The following SPEG variants were observed in gnomAD, a reference collection of about 807,000 sequenced individuals.
SPEG encodes the protein striated muscle enriched protein kinase.
In SPEG, 114 loss-of-function variants were observed where a neutral mutation model predicts 300.4. The ratio of observed to expected loss-of-function variants is 0.38; its 90% CI spans 0.33 to 0.44. SPEG has a LOEUF of 0.44. Among genes scored for constraint, SPEG ranks in the 20% least tolerant of loss-of-function variants. The probability of loss-of-function intolerance (pLI) is 1.00; values close to 1 mark genes in which losing one functional copy is unlikely to be tolerated. For synonymous variants in SPEG, 1,964 were observed against 2,018.9 expected (o/e 0.97, Z 0.73); for missense variants, 4,201 against 4,586.2 (o/e 0.92, Z 2.43).
At position 219,444,099 on chromosome 2, in the gene SPEG, C is replaced by G. The variant is rs369624055; in HGVS notation, c.389-554C>G. On this transcript the variant is annotated intron_variant, in intron 1 of 40. Coordinates refer to ENST00000312358, the MANE Select transcript of SPEG (RefSeq NM_005876.5). This position sits in a 1 kb window ranked among gnomAD's most constrained non-coding sequence, Gnocchi z 7.8. ...CCTGCTCTAGCCCCCCGCATCCCCC[C>G]CTTTCCCACCCGGCCCCGGCCTCTC... 6.5e-4 allele frequency: 860 copies of G among 1,332,622 alleles called. 5 individuals carry two copies. In the South Asian group the frequency reaches 8.7e-3, roughly 13 times the overall value. The allele number at this position is 1,332,622 out of a possible 1,614,324, so 82.5% of individuals were successfully genotyped here.
chr2:219,467,483 A>C, intron 10 of SPEG, 49 bp downstream of exon 10: 4 of 1,563,100 alleles, frequency 2.6e-6, no homozygotes, highest in Non-Finnish European at 3.5e-6. Flanking sequence ...CAAGAGCTGG[A>C]GGGAGGGGAC....
Position 219,476,937 on chromosome 2 carries a change from G to A in SPEG, c.4515G>A (p.Ala1505=), listed in dbSNP as rs946526096. 4.3e-6 allele frequency: 7 copies of A among 1,612,994 alleles called. No homozygotes were observed. Among genetic ancestry groups the A allele is most frequent in the Admixed American group, 3.3e-5 (2 of 59,878 alleles). The change falls in exon 19 of 41, where the codon GCG becomes GCA. Residue 1505 remains alanine, a synonymous_variant. Transcript: ENST00000312358. ...EVGAGETARF[A]VVVEGKPLPD... is the part of the protein sequence containing the mutation. ...GGGCTGGGGAAACTGCTCGCTTTGCGGTGGTGGTCGAGGGAAAACCACTGC... is the reference window on the plus strand; with the variant it reads ...GGGCTGGGGAAACTGCTCGCTTTGCAGTGGTGGTCGAGGGAAAACCACTGC...
At position 219,439,086 on chromosome 2, in the gene SPEG, C is replaced by T. The variant is rs1378382224; in HGVS notation, c.388+3721C>T. On this transcript the variant is annotated intron_variant, in intron 1 of 40. Transcript: ENST00000312358. This position sits in a 1 kb window ranked among gnomAD's most constrained non-coding sequence, Gnocchi z 4.5. Reference sequence around the variant, plus strand: ...TGGGAGCAGAGAGGAGCTCTGGGACCCTCTCCAGGGGAATCCTGAGTGGAA... The same window carrying T: ...TGGGAGCAGAGAGGAGCTCTGGGACTCTCTCCAGGGGAATCCTGAGTGGAA... 6.6e-6 allele frequency among the ~76,000 whole-genome samples: 1 copy of T among 152,042 alleles called. No individual in the cohort carries two copies. Among genetic ancestry groups the T allele is most frequent in the African/African-American group, 2.4e-5 (1 of 41,386 alleles).
At chr2:219,476,615 T>C (rs1281868198) in intron 18 of SPEG, among the ~76,000 whole-genome samples, 1 of 151,980 alleles carries the variant, frequency 6.6e-6, no homozygotes, top group Non-Finnish European at 1.5e-5. Context: ...AAAGCAAGCC[T>C]GCACCTTGTG....
rs759875018 is a variant in SPEG at position 219,448,053 on chromosome 2, G to A, written c.895G>A (p.Ala299Thr). ...GGCCAGCGAAGCCCCACGCCGCCCT[G>A]CCCAGCCGCCTCCTTCCAAATCCGC... The part of the protein sequence containing the change: ...QLASEAPRRP[A>T]QPPPSKSALL... Residue 299 changes from alanine to threonine, a missense_variant, in exon 4 of 41, where the codon GCC (alanine) becomes ACC (threonine). By Grantham distance (58) the Ala-to-Thr change is moderately conservative (BLOSUM62 0). This residue lies in a region of SPEG where 1,258 missense variants were observed against 1,293.9 expected (regional missense o/e 0.97). Transcript: ENST00000312358. 2 of 1,611,140 alleles carry A rather than the reference G, an allele frequency of 1.2e-6. No homozygotes were observed. Among genetic ancestry groups the A allele is most frequent in the Admixed American group, 1.7e-5 (1 of 59,922 alleles).
chr2:219,482,814 G>A lies in SPEG; in HGVS notation c.5596G>A (p.Asp1866Asn). ...GGCAAAGGGCGCAGAGGTGAGCACG[G>A]ATCACCTGAAGCTATTCCTCTCCCG... ...TQAKGAEVST[D>N]HLKLFLSRRR... The change falls in exon 29 of 41, where the codon GAT (aspartate) becomes AAT (asparagine). Residue 1866 changes from aspartate (D) to asparagine (N), a missense_variant. This residue lies in a region of SPEG where 1,578 missense variants were observed against 1,506.0 expected (regional missense o/e 1.05). Coordinates refer to ENST00000312358, the MANE Select transcript of SPEG (RefSeq NM_005876.5). 1 of 1,613,912 alleles carries A rather than the reference G, an allele frequency of 6.2e-7. No individual in the cohort carries two copies. The highest frequency in any genetic ancestry group is 8.5e-7 in the Non-Finnish European group (1 of 1,179,972).
rs759451461 is a variant in SPEG at position 219,483,155 on chromosome 2, C to T, written c.5692C>T (p.Arg1898Trp). Residue 1898 changes from arginine to tryptophan, a missense_variant, in exon 30 of 41, where the codon CGG (arginine) becomes TGG (tryptophan). By Grantham distance (101) the Arg-to-Trp change is moderately radical. Around this residue, in one of 4 missense-constraint regions of SPEG, gnomAD observed 1,578 missense variants for 1,506.0 expected, o/e 1.05. Transcript: ENST00000312358. The stretch of plus-strand genomic sequence containing the variant: ...GCTGCGCCCCATCCCCGAGCTGCTG[C>T]GGGCCCCCCCAGAGCGGGTGTGGGT... Reference protein sequence around the residue: ...LVLRPIPELLRAPPERVWVTM... With the variant: ...LVLRPIPELLWAPPERVWVTM... 8.1e-6 allele frequency: 13 copies of T among 1,609,190 alleles called. No homozygotes were observed. The highest frequency in any genetic ancestry group is 3.3e-4 in the Middle Eastern group (2 of 6,076).
chr2:219,482,657 C>A, intron 28 of SPEG, 127 bp from the exon 29 acceptor site: 1 of 762,780 alleles, frequency 1.3e-6, no homozygotes, highest in Non-Finnish European at 2.2e-6. Context: ...CCCCAGGAGC[C>A]CAGACTCAGT....
rs1403119873 is a variant in SPEG, at chr2:219,484,688, C to T, written c.7225C>T (p.Leu2409Phe). 1.3e-6 allele frequency: 2 copies of T among 1,518,214 alleles called. No homozygotes were observed. The highest frequency in any genetic ancestry group is 1.8e-6 in the Non-Finnish European group (2 of 1,141,466). 94.0% of individuals were successfully genotyped at this position (1,518,214 alleles called of 1,614,324 possible). ...CGGAGAGCCTGGCCTCGTCCGCCGCCTCTCGCTGTCACTGTCCCAGCGGCT... is the reference window on the plus strand; with the variant it reads ...CGGAGAGCCTGGCCTCGTCCGCCGCTTCTCGCTGTCACTGTCCCAGCGGCT... The part of the protein sequence containing the change: ...AVGEPGLVRR[L>F]SLSLSQRLRR... The change falls in exon 30 of 41, where the codon CTC becomes TTC. Residue 2409 changes from leucine (L) to phenylalanine (F), a missense_variant. Around this residue, in one of 4 missense-constraint regions of SPEG, gnomAD observed 1,578 missense variants for 1,506.0 expected, o/e 1.05. Coordinates refer to ENST00000312358, the MANE Select transcript of SPEG (RefSeq NM_005876.5).
chr2:219,481,567 C>G lies in SPEG; in HGVS notation c.5523-71C>G, dbSNP rs1392671113. 1 of 1,605,128 alleles carries G rather than the reference C, an allele frequency of 6.2e-7. No individual in the cohort carries two copies. The highest frequency in any genetic ancestry group is 8.5e-7 in the Non-Finnish European group (1 of 1,172,258). On this transcript the variant is annotated intron_variant, in intron 27 of 40. Coordinates refer to ENST00000312358, the MANE Select transcript of SPEG (RefSeq NM_005876.5). This position sits in a 1 kb window ranked among gnomAD's most constrained non-coding sequence, Gnocchi z 5.4. ...TGCAAGCCCCCAACTCCTTAGGAGC[C>G]CTGTTTGCTCAGTTATTGACTCACT...
In SPEG at chr2:219,467,879, T is replaced by C. The variant is rs562045260; in HGVS notation, c.3142+445T>C. 1.1e-4 allele frequency among the ~76,000 whole-genome samples: 16 copies of C among 152,202 alleles called. No individual in the cohort carries two copies. The South Asian group carries it at 2.7e-3, about 26-fold the overall frequency. ...GTCAAAGGGCCTTTCCAGGAGAGGGTAGGGCACTGAGCATTCCAGAAATGG... is the reference window on the plus strand; with the variant it reads ...GTCAAAGGGCCTTTCCAGGAGAGGGCAGGGCACTGAGCATTCCAGAAATGG... On this transcript the variant is annotated intron_variant, in intron 10 of 40. Transcript: ENST00000312358.
chr2:219,480,444 G>T lies in SPEG; in HGVS notation c.5343-227G>T, dbSNP rs1367862604. 3.3e-5 allele frequency among the ~76,000 whole-genome samples: 5 copies of T among 152,102 alleles called. No individual in the cohort carries two copies. The highest frequency in any genetic ancestry group is 1.5e-5 in the Non-Finnish European group (1 of 67,986). On this transcript the variant is annotated intron_variant, in intron 25 of 40. Coordinates refer to ENST00000312358, the MANE Select transcript of SPEG (RefSeq NM_005876.5). This position sits in a 1 kb window ranked among gnomAD's most constrained non-coding sequence, Gnocchi z 5.3. ...CAGGCATGGTCCCATTGGTTCCCAG[G>T]CTTCCCTGGGCTTCCTGGGCCAGCC...
chr2:219,465,245 A>G (rs1420904042), intron 9 of SPEG: 1 of 152,614 alleles, frequency 6.6e-6, no homozygotes, highest in African/African-American at 2.4e-5. Context: ...CTCGAGGGCC[A>G]TGGGTTTTCC....
chr2:219,472,026 C>A (rs1691921119), intron 14 of SPEG, 39 bp downstream of exon 14: 1 of 1,603,934 alleles, frequency 6.2e-7, no homozygotes, highest in African/African-American at 1.3e-5. Flanking sequence ...CACGCACAGC[C>A]TGGCCTCTGG....
chr2:219,464,476 G>A lies in SPEG; in HGVS notation c.2749G>A (p.Ala917Thr), dbSNP rs771940893. Residue 917 changes from alanine (A) to threonine (T), a missense_variant, in exon 9 of 41, where the codon GCG becomes ACG. Ala to Thr is a moderately conservative substitution (Grantham distance 58). Coordinates refer to ENST00000312358, the MANE Select transcript of SPEG (RefSeq NM_005876.5). This position sits in a 1 kb window ranked among gnomAD's most constrained non-coding sequence, Gnocchi z 4.5. The stretch of plus-strand genomic sequence containing the variant: ...CGTGCGCCCAGACCAGCGGCGCTTT[G>A]CGGAGGAGGCTGAGGGTGGGCTGTG... ...QPVRPDQRRF[A>T]EEAEGGLCRL... The A allele has an allele frequency of 6.2e-7, 1 of 1,613,692 alleles. No homozygotes were observed. Among genetic ancestry groups the A allele is most frequent in the South Asian group, 1.1e-5 (1 of 91,086 alleles).
rs558902094 is a variant in SPEG, at chr2:219,485,644, G to T, written c.7741+167G>T. ...GCAGTAGCTGACATTCATTAGATAA[G>T]CTGAGTGTTCTATTAAACACTTTAC... On this transcript the variant is annotated intron_variant, in intron 31 of 40. Coordinates refer to ENST00000312358, the MANE Select transcript of SPEG (RefSeq NM_005876.5). 3.9e-5 allele frequency among the ~76,000 whole-genome samples: 6 copies of T among 152,362 alleles called. No homozygotes were observed. In the South Asian group the frequency reaches 1.2e-3, roughly 32 times the overall value.
At chr2:219,485,231 C>A (rs1693280996) in intron 30 of SPEG, 115 bp from the exon 31 acceptor site, 1 of 1,488,244 alleles carries the variant, frequency 6.7e-7, no homozygotes, top group Non-Finnish European at 9.1e-7. Context: ...GCAGGAATGG[C>A]GGCAGGGCTG....
Position 219,489,235 on chromosome 2 carries a change from T to C in SPEG, c.8317+14T>C. ...GGGGTACTCAAGGTCAGTGCAATGG[T>C]ATGGGGTGGGAGGAGGAAGGGGGCT... On this transcript the variant is annotated intron_variant, in intron 35 of 40. Coordinates refer to ENST00000312358, the MANE Select transcript of SPEG (RefSeq NM_005876.5). 2 of 1,613,506 alleles carry C rather than the reference T, an allele frequency of 1.2e-6. No individual in the cohort carries two copies. Among genetic ancestry groups the C allele is most frequent in the Non-Finnish European group, 1.7e-6 (2 of 1,179,688 alleles).
intron 4 of SPEG, among the ~76,000 whole-genome samples, chr2:219,449,532 A>T (rs968018158): frequency 6.6e-6 from 1 of 152,080 alleles, no homozygotes; most frequent in East Asian, 1.9e-4. Context: ...CTGAGATGTG[A>T]GCTAAGACTG....
Sources: allele counts gnomAD v4.1 joint callset (sites outside exome capture counted in the v4.1 genomes callset), GRCh38; gene constraint gnomAD v4.1.1; regional missense constraint gnomAD v4.1.1; non-coding constraint Gnocchi (gnomAD v3.1); transcripts MANE v1.5; gene names NCBI Gene and HGNC (gene_info 2026-07-23, HGNC 2026-07-21).